Variants in LRRFIP1 observed in about 807,000 individuals in gnomAD.
LRRFIP1 encodes LRR binding FLII interacting protein 1.
A neutral mutation model predicts 104.4 loss-of-function variants in LRRFIP1; 62 were observed. That is an observed-to-expected ratio of 0.59 (90% confidence interval 0.48 to 0.73). LRRFIP1 has a LOEUF of 0.73. Ranked by LOEUF, LRRFIP1 falls within the 30% of genes least tolerant of loss-of-function variation. The pLI, the probability that LRRFIP1 is intolerant of heterozygous loss-of-function variation, is 0.00. For missense variants in LRRFIP1, 796 were observed against 824.5 expected, an observed-to-expected ratio of 0.97 and a Z score of 0.42; for synonymous variants, 300 against 299.0, an observed-to-expected ratio of 1.00 and a Z score of -0.03.
chr2:237,708,795 T>A lies in LRRFIP1; in HGVS notation c.183+165T>A, dbSNP rs888090482. ...CTTCTGCCCAAGGTCAGGCCAGGAG[T>A]GCGCATAGCACGGATACCAGGCGTG... On this transcript the variant is annotated intron_variant, in intron 2 of 23. Coordinates refer to ENST00000308482, the MANE Select transcript of LRRFIP1 (RefSeq NM_001137550.2). 1.0e-5 allele frequency: 8 copies of A among 795,662 alleles called. No individual in the cohort carries two copies. In the Admixed American group the frequency reaches 1.2e-4, roughly 12 times the overall value. 49.3% of individuals were successfully genotyped at this position (795,662 alleles called of 1,614,324 possible). A position where few individuals can be genotyped will look rare whatever the true frequency, so the allele number is the denominator to read the frequency against.
chr2:237,765,465 T>C, intron 19 of LRRFIP1: 1 of 931,588 alleles, frequency 1.1e-6, no homozygotes, highest in Non-Finnish European at 1.3e-6. Context: ...AAAAAAGTTT[T>C]TGAACCTTAA....
intron 1 of LRRFIP1, among the ~76,000 whole-genome samples, chr2:237,708,137 T>A (rs1415194514): frequency 6.6e-6 from 1 of 152,220 alleles, no homozygotes; most frequent in African/African-American, 2.4e-5. Context: ...GCTCCATGCA[T>A]CTGTCAGAGC....
intron 1 of LRRFIP1, among the ~76,000 whole-genome samples, chr2:237,668,948 C>CT (rs769425450): frequency 2.7e-4 from 41 of 151,970 alleles, no homozygotes; most frequent in Admixed American, 1.8e-3. Context: ...TTATCTGTGA[C>CT]TTTTTTTTAA....
chr2:237,656,085 G>A (rs1018888611), intron 1 of LRRFIP1, among the ~76,000 whole-genome samples: 3 of 152,064 alleles, frequency 2.0e-5, no homozygotes, highest in Admixed American at 1.3e-4. Context: ...AAAGGTAAGG[G>A]GTGTCTCCTG....
chr2:237,634,112 C>G (rs2082763697), intron 1 of LRRFIP1, among the ~76,000 whole-genome samples: 1 of 152,204 alleles, frequency 6.6e-6, no homozygotes, highest in African/African-American at 2.4e-5. Context: ...TCAGATCATG[C>G]CACTTCTCTG....
intron 1 of LRRFIP1, among the ~76,000 whole-genome samples, chr2:237,689,246 C>T (rs1575494254): frequency 6.6e-6 from 1 of 152,194 alleles, no homozygotes; most frequent in African/African-American, 2.4e-5. Context: ...GGATCCTCTG[C>T]ATTTTATTCC....
At chr2:237,665,395 A>G (rs2089014042) in intron 1 of LRRFIP1, among the ~76,000 whole-genome samples, 1 of 152,322 alleles carries the variant, frequency 6.6e-6, no homozygotes, top group South Asian at 2.1e-4. Context: ...CAGGTATCTC[A>G]ATTTTTCTCA....
chr2:237,762,498 T>C lies in LRRFIP1; in HGVS notation c.1459+2293T>C, dbSNP rs535330594. ...CATGACTCTTTGATGACTCTGTCTTTAGGAATAGGGGTGGGTGGGATTTGG... is the reference window on the plus strand; with the variant it reads ...CATGACTCTTTGATGACTCTGTCTTCAGGAATAGGGGTGGGTGGGATTTGG... On this transcript the variant is annotated intron_variant, in intron 19 of 23. Coordinates refer to ENST00000308482, the MANE Select transcript of LRRFIP1 (RefSeq NM_001137550.2). 82 of 868,108 alleles carry C rather than the reference T, an allele frequency of 9.4e-5. 1 individual carries two copies. In the East Asian group the frequency reaches 1.9e-3, roughly 21 times the overall value. The allele number at this position is 868,108 out of a possible 1,614,324, so 53.8% of individuals were successfully genotyped here.
chr2:237,657,595 T>C (rs2087051057), intron 1 of LRRFIP1, among the ~76,000 whole-genome samples: 1 of 152,202 alleles, frequency 6.6e-6, no homozygotes. Flanking sequence ...TATGGCAATG[T>C]CTACAAAGCC....
At chr2:237,709,712 A>G (rs1575687300) in intron 2 of LRRFIP1, among the ~76,000 whole-genome samples, 1 of 151,928 alleles carries the variant, frequency 6.6e-6, no homozygotes, top group South Asian at 2.1e-4. Flanking sequence ...CCATGTAGAA[A>G]CCTGCATGCA....
At position 237,735,457 on chromosome 2, in the gene LRRFIP1, G is replaced by A. The variant is rs563452404; in HGVS notation, c.555+124G>A. ...TCTCAGGAGGAAGCGCCGAGTCACC[G>A]GGCTAACCGCCACCTTCCATTGTAA... On this transcript the variant is annotated intron_variant, in intron 10 of 23. Transcript: ENST00000308482. The surrounding 1 kb of genome is among the most constrained non-coding windows in gnomAD (Gnocchi z 4.6). The A allele has an allele frequency of 1.1e-4, 85 of 806,818 alleles. No individual in the cohort carries two copies. Among genetic ancestry groups the A allele is most frequent in the Middle Eastern group, 3.4e-4 (1 of 2,948 alleles). The allele number at this position is 806,818 out of a possible 1,614,324, so 50.0% of individuals were successfully genotyped here.
At position 237,745,727 on chromosome 2, in the gene LRRFIP1, T is replaced by C. The variant is rs1256783622; in HGVS notation, c.634-2637T>C. Among the ~76,000 whole-genome samples, 3 of 152,184 alleles carry C rather than the reference T, an allele frequency of 2.0e-5. No individual in the cohort carries two copies. In the East Asian group the frequency reaches 5.8e-4, roughly 29 times the overall value. ...TCAGATATCTTTGTAGGTAAACGAA[T>C]GCATTCCTGGAGCTTCATTTATTTC... is the stretch of plus-strand genomic sequence containing the variant. On this transcript the variant is annotated intron_variant, in intron 11 of 23. Coordinates refer to ENST00000308482, the MANE Select transcript of LRRFIP1 (RefSeq NM_001137550.2).
chr2:237,693,097 C>T (rs1438475467), intron 1 of LRRFIP1, among the ~76,000 whole-genome samples: 1 of 152,194 alleles, frequency 6.6e-6, no homozygotes, highest in African/African-American at 2.4e-5. Context: ...AATATGCAGT[C>T]GTGGGGCTAC....
At position 237,779,643 on chromosome 2, in the gene LRRFIP1, GACCGTGGC is replaced by G; in HGVS notation, c.*112_*119del. On this transcript the variant is annotated 3_prime_UTR_variant, in exon 24 of 24. Coordinates refer to ENST00000308482, the MANE Select transcript of LRRFIP1 (RefSeq NM_001137550.2). ...CTTCCCCTGCCTTCCGAGAGACGAA[GACCGTGGC>G]GAGCTTGGCGCTTAGGGGCTCCCGT... 1.0e-6 allele frequency: 1 copy of G among 980,566 alleles called. No individual in the cohort carries two copies. The highest frequency in any genetic ancestry group is 1.5e-6 in the Non-Finnish European group (1 of 661,226). The allele number at this position is 980,566 out of a possible 1,614,324, so 60.7% of individuals were successfully genotyped here.
intron 1 of LRRFIP1, among the ~76,000 whole-genome samples, chr2:237,654,029 C>T (rs1253014679): frequency 6.6e-6 from 1 of 152,216 alleles, no homozygotes; most frequent in African/African-American, 2.4e-5. Context: ...ACTAAAAAGC[C>T]TCTGCACAGC....
At chr2:237,748,339 ATAT>A (rs1488894596) in intron 11 of LRRFIP1, 22 bp from the exon 12 acceptor site, 1 of 1,553,238 alleles carries the variant, frequency 6.4e-7, no homozygotes, top group Non-Finnish European at 8.9e-7. Context: ...AAAGTATTTA[ATAT>A]TTTGTCTGTT....
At chr2:237,704,434 G>A (rs1333521365) in intron 1 of LRRFIP1, among the ~76,000 whole-genome samples, 1 of 152,182 alleles carries the variant, frequency 6.6e-6, no homozygotes, top group African/African-American at 2.4e-5. Flanking sequence ...GATTACAGGT[G>A]TGAACCACCG....
chr2:237,648,285 G>A (rs1431688938), intron 1 of LRRFIP1, among the ~76,000 whole-genome samples: 1 of 151,928 alleles, frequency 6.6e-6, no homozygotes, highest in African/African-American at 2.4e-5. Flanking sequence ...GCGATTCAGA[G>A]CATGTTTTCC....
At chr2:237,772,778 A>T (rs889499956) in intron 21 of LRRFIP1, 88 bp from the exon 22 acceptor site, 2 of 895,556 alleles carry the variant, frequency 2.2e-6, no homozygotes, top group Non-Finnish European at 3.7e-6. Flanking sequence ...GATGATTACA[A>T]AGTAAGGGCT....
Sources: gnomAD v4.1 joint callset for allele counts (sites outside exome capture counted in the v4.1 genomes callset) on GRCh38, gnomAD v4.1.1 for gene constraint, Gnocchi (gnomAD v3.1) non-coding constraint, MANE v1.5 for transcripts, NCBI Gene and HGNC (gene_info 2026-07-23, HGNC 2026-07-21) for gene names.